The following SGK1 variants were observed in gnomAD, a reference collection of about 807,000 sequenced individuals.
SGK1 encodes the protein serum/glucocorticoid regulated kinase 1.
In SGK1, 26 loss-of-function variants were observed where a neutral mutation model predicts 64.2. That is an observed-to-expected ratio of 0.40 (90% CI 0.30 to 0.56). SGK1 has a LOEUF of 0.56. SGK1 is among the 20% of genes least tolerant of loss of function. The probability of loss-of-function intolerance (pLI) is 0.38; values close to 1 mark genes in which losing one functional copy is unlikely to be tolerated. For missense variants in SGK1, 519 were observed against 645.6 expected (o/e 0.80, Z 2.12); for synonymous variants, 265 against 239.7 (o/e 1.11, Z -0.98).
At chr6:134,306,917 G>GGC (rs1777544183) in intron 1 of SGK1, among the ~76,000 whole-genome samples, 1 of 146,088 alleles carries the variant, frequency 6.8e-6, no homozygotes, top group African/African-American at 2.5e-5. Context: ...TAAAAGGGGG[G>GGC]GGGGGCGGAA....
intron 2 of SGK1, among the ~76,000 whole-genome samples, chr6:134,229,002 C>T (rs868253475): frequency 1.2e-4 from 19 of 152,342 alleles, no homozygotes; most frequent in Admixed American, 2.6e-4. Flanking sequence ...CGCCACTGCG[C>T]CCAGCTAATG....
At chr6:134,276,961 G>C in intron 1 of SGK1, among the ~76,000 whole-genome samples, 1 of 152,030 alleles carries the variant, frequency 6.6e-6, no homozygotes, top group Non-Finnish European at 1.5e-5. Context: ...GAGGTGGGAG[G>C]AGTGCTTGAG....
chr6:134,309,341 A>ACTGT (rs1777578892), intron 1 of SGK1, among the ~76,000 whole-genome samples: 1 of 152,170 alleles, frequency 6.6e-6, no homozygotes, highest in East Asian at 1.9e-4. Flanking sequence ...AACTTGCCTT[A>ACTGT]CTGTCTGCTT....
Position 134,207,411 on chromosome 6 carries a change from A to G in SGK1, c.306T>C (p.His102=). Residue 102 remains histidine (H), a synonymous_variant, in exon 3 of 14, where the codon CAT becomes CAC. Transcript: ENST00000367858. The part of the protein sequence containing the change: ...SGCEVREPCN[H]ANILTKPDPR... ...GATCGGGCTTGGTCAGGATGTTGGCATGATTACATGGCTCTCTCACCTTTA... is the reference window on the plus strand; with the variant it reads ...GATCGGGCTTGGTCAGGATGTTGGCGTGATTACATGGCTCTCTCACCTTTA... 6.2e-7 allele frequency: 1 copy of G among 1,611,322 alleles called. No homozygotes were observed. Among genetic ancestry groups the G allele is most frequent in the South Asian group, 1.1e-5 (1 of 90,944 alleles).
At chr6:134,301,133 G>T (rs1777447428) in intron 1 of SGK1, among the ~76,000 whole-genome samples, 1 of 152,206 alleles carries the variant, frequency 6.6e-6, no homozygotes. Context: ...AGATGTGTGT[G>T]AGACATTTCA....
intron 1 of SGK1, among the ~76,000 whole-genome samples, chr6:134,316,380 G>C (rs1335594970): frequency 3.3e-5 from 5 of 152,126 alleles, no homozygotes; most frequent in African/African-American, 1.2e-4. Flanking sequence ...GAACCATTTT[G>C]GTGGAATTGC....
chr6:134,311,501 A>T (rs1393921700), intron 1 of SGK1, among the ~76,000 whole-genome samples: 2 of 152,110 alleles, frequency 1.3e-5, no homozygotes, highest in Non-Finnish European at 2.9e-5. Flanking sequence ...ATACAAAAAA[A>T]TTAGCTGTGC....
intron 2 of SGK1, among the ~76,000 whole-genome samples, chr6:134,247,184 A>T (rs1008254813): frequency 6.6e-6 from 1 of 152,094 alleles, no homozygotes; most frequent in Non-Finnish European, 1.5e-5. Context: ...GTCACCCAAG[A>T]CAGGAAAAAT....
intron 3 of SGK1, among the ~76,000 whole-genome samples, chr6:134,183,376 C>A (rs1775361728): frequency 6.6e-6 from 1 of 152,226 alleles, no homozygotes; most frequent in African/African-American, 2.4e-5. Context: ...GATTTCCCTA[C>A]TGCCATATCG....
chr6:134,288,843 T>A (rs9373088), intron 1 of SGK1, among the ~76,000 whole-genome samples: 27,589 of 152,188 alleles, frequency 0.18, 3,263 homozygotes, highest in East Asian at 0.59. Context: ...CCAGGAAATG[T>A]CCATAAGCAG....
At chr6:134,258,577 T>G (rs1582747137) in intron 2 of SGK1, among the ~76,000 whole-genome samples, 1 of 151,958 alleles carries the variant, frequency 6.6e-6, no homozygotes, top group Non-Finnish European at 1.5e-5. Context: ...TGGTGGCGGG[T>G]GCCTGTAATC....
intron 4 of SGK1, 60 bp from the exon 5 acceptor site, chr6:134,174,140 T>C (rs1775130547): frequency 3.2e-6 from 4 of 1,260,114 alleles, no homozygotes; most frequent in Non-Finnish European, 4.5e-6. Flanking sequence ...CACACCAACA[T>C]CAAAAGTGAG....
chr6:134,281,450 T>C (rs1454252207), intron 1 of SGK1, among the ~76,000 whole-genome samples: 1 of 151,978 alleles, frequency 6.6e-6, no homozygotes, highest in African/African-American at 2.4e-5. Flanking sequence ...AAAATACATA[T>C]ATGAGTTACT....
Position 134,220,084 on chromosome 6 carries a change from A to G in SGK1, c.286-12653T>C, listed in dbSNP as rs958083016. Among the ~76,000 whole-genome samples the G allele has an allele frequency of 8.4e-5, 11 of 131,686 alleles. 1 individual carries two copies. The highest frequency in any genetic ancestry group is 1.4e-4 in the African/African-American group (5 of 35,744). The allele number at this position is 131,686 out of a possible 152,430, so 86.4% of individuals were successfully genotyped here. ...AAAAAAAAAAAAAAAAAAAAAAAAA[A>G]AAAGAAAAGAAAAGAAAAGAAAAAC... On this transcript the variant is annotated intron_variant, in intron 2 of 13. Transcript: ENST00000367858.
At chr6:134,259,489 A>AT (rs928644845) in intron 2 of SGK1, among the ~76,000 whole-genome samples, 7 of 151,994 alleles carry the variant, frequency 4.6e-5, no homozygotes, top group African/African-American at 1.7e-4. Flanking sequence ...AAAAAAAAAA[A>AT]AAAAATTACC....
chr6:134,291,784 G>A (rs1256945180), intron 1 of SGK1, among the ~76,000 whole-genome samples: 1 of 152,166 alleles, frequency 6.6e-6, no homozygotes, highest in Non-Finnish European at 1.5e-5. Flanking sequence ...TTTGTGGCCA[G>A]GCACGATGGG....
intron 3 of SGK1, among the ~76,000 whole-genome samples, chr6:134,185,966 CT>C (rs1775416471): frequency 6.6e-6 from 1 of 152,166 alleles, no homozygotes; most frequent in Non-Finnish European, 1.5e-5. Flanking sequence ...CCACACCCCC[CT>C]GTCCCCGCAT....
At chr6:134,303,958 A>G (rs140992473) in intron 1 of SGK1, among the ~76,000 whole-genome samples, 26 of 152,316 alleles carry the variant, frequency 1.7e-4, no homozygotes, top group African/African-American at 6.3e-4. Context: ...AAGTCACACT[A>G]TATGACACCC....
chr6:134,195,333 G>C (rs575279403), intron 3 of SGK1, among the ~76,000 whole-genome samples: 1 of 152,190 alleles, frequency 6.6e-6, no homozygotes, highest in Admixed American at 6.5e-5. Flanking sequence ...TTCCACAAAC[G>C]CAGAAACAGA....
Sources: gnomAD v4.1 joint callset for allele counts (sites outside exome capture counted in the v4.1 genomes callset) on GRCh38, gnomAD v4.1.1 for gene constraint, MANE v1.5 for transcripts, NCBI Gene and HGNC (gene_info 2026-07-23, HGNC 2026-07-21) for gene names.